Variants in SYNE1 observed in about 807,000 individuals in gnomAD.
The protein encoded by SYNE1 is spectrin repeat containing nuclear envelope protein 1, also known as nesprin-1.
SYNE1 carries 616 observed loss-of-function variants against 1,111.0 expected under a neutral mutation model. The observed-to-expected ratio is 0.55, with a 90% CI of 0.52 to 0.59. The LOEUF (loss-of-function observed/expected upper bound fraction) is 0.59. Among genes scored for constraint, SYNE1 ranks in the 20% least tolerant of loss-of-function variants. The pLI is 0.00. For synonymous variants in SYNE1, 3,855 were observed against 3,825.8 expected (o/e 1.01, Z -0.28); for missense variants, 10,006 against 10,417.0 (o/e 0.96, Z 1.72).
At chr6:152,416,281 A>G in intron 41 of SYNE1, 106 bp downstream of exon 41, 1 of 1,511,102 alleles carries the variant, frequency 6.6e-7, no homozygotes, top group Non-Finnish European at 9.1e-7. Flanking sequence ...TGGGGTCCTG[A>G]GTTTTTATTT....
chr6:152,405,436 G>A (rs1182952219), intron 45 of SYNE1, among the ~76,000 whole-genome samples: 1 of 152,106 alleles, frequency 6.6e-6, no homozygotes, highest in Non-Finnish European at 1.5e-5. Flanking sequence ...GCAGTACATT[G>A]TTCTAAATTA....
chr6:152,623,959 A>G (rs2099680951), intron 3 of SYNE1, among the ~76,000 whole-genome samples: 1 of 152,140 alleles, frequency 6.6e-6, no homozygotes, highest in African/African-American at 2.4e-5. Context: ...TAATGAACTT[A>G]TAAGAAATAT....
At chr6:152,439,747 C>G (rs1163488260) in intron 32 of SYNE1, among the ~76,000 whole-genome samples, 1 of 152,090 alleles carries the variant, frequency 6.6e-6, no homozygotes, top group Non-Finnish European at 1.5e-5. Flanking sequence ...AGGGTGGGCA[C>G]AAGGCTCTTC....
At chr6:152,286,353 C>T (rs1327446597) in intron 95 of SYNE1, among the ~76,000 whole-genome samples, 3 of 152,082 alleles carry the variant, frequency 2.0e-5, no homozygotes, top group African/African-American at 7.2e-5. Flanking sequence ...GACTTTGGCC[C>T]TTATTTGAGC....
chr6:152,351,661 G>A (rs1249797869), intron 70 of SYNE1, among the ~76,000 whole-genome samples: 2 of 152,170 alleles, frequency 1.3e-5, no homozygotes, highest in Non-Finnish European at 2.9e-5. Context: ...GGTACCAGAA[G>A]ATGAAGGGAA....
At chr6:152,513,908 C>T (rs1259949882) in intron 6 of SYNE1, among the ~76,000 whole-genome samples, 1 of 151,950 alleles carries the variant, frequency 6.6e-6, no homozygotes, top group Non-Finnish European at 1.5e-5. Context: ...TAGAGAAATG[C>T]AAATAAAAAC....
Position 152,417,021 on chromosome 6 carries a change from A to G in SYNE1, c.5422-6T>C. 12 of 1,613,826 alleles carry G rather than the reference A, an allele frequency of 7.4e-6. No homozygotes were observed. Among genetic ancestry groups the G allele is most frequent in the Non-Finnish European group, 1.0e-5 (12 of 1,180,026 alleles). On this transcript the variant is annotated splice_polypyrimidine_tract_variant and splice_region_variant and intron_variant, in intron 40 of 145. Coordinates refer to ENST00000367255, the MANE Select transcript of SYNE1 (RefSeq NM_182961.4). ...TCTACTTCTGCTGCGTGGTCCTGGA[A>G]GGGAAGAGAGAGTTATTGATTCCTG...
At chr6:152,469,355 C>T (rs1000735033) in intron 16 of SYNE1, among the ~76,000 whole-genome samples, 2 of 151,638 alleles carry the variant, frequency 1.3e-5, no homozygotes, top group Non-Finnish European at 2.9e-5. Flanking sequence ...CATTATTAAA[C>T]ACTGGGGAAA....
Position 152,232,221 on chromosome 6 carries a change from G to T in SYNE1, c.20757C>A (p.Val6919=), listed in dbSNP as rs1490654093. 6.2e-7 allele frequency: 1 copy of T among 1,613,958 alleles called. No homozygotes were observed. The highest frequency in any genetic ancestry group is 8.5e-7 in the Non-Finnish European group (1 of 1,179,936). The change falls in exon 113 of 146, where the codon GTC becomes GTA. Residue 6919 remains valine, a synonymous_variant. Coordinates refer to ENST00000367255, the MANE Select transcript of SYNE1 (RefSeq NM_182961.4). ...TTTCCATTAGAGAAATCCAACTCAT[G>T]ACTTCAGAAATGGCATGGCGGGAAG... ...KLPSRHAISE[V]MSWISLMENV... is the part of the protein sequence containing the mutation.
intron 95 of SYNE1, among the ~76,000 whole-genome samples, chr6:152,291,633 C>T (rs1435896124): frequency 1.3e-5 from 2 of 152,140 alleles, no homozygotes; most frequent in East Asian, 3.8e-4. Flanking sequence ...CATGTACGAA[C>T]TCTGGAAGGG....
intron 39 of SYNE1, among the ~76,000 whole-genome samples, chr6:152,421,684 T>C (rs990058450): frequency 2.2e-5 from 3 of 138,292 alleles, no homozygotes; most frequent in Admixed American, 2.1e-4. Context: ...TATTTATTTA[T>C]TTATTTATTT....
chr6:152,343,247 C>T (rs1371362093), intron 74 of SYNE1, among the ~76,000 whole-genome samples: 1 of 150,792 alleles, frequency 6.6e-6, no homozygotes, highest in Non-Finnish European at 1.5e-5. Flanking sequence ...CCGCCTCCAC[C>T]TCCCAGGTTC....
chr6:152,515,861 T>C (rs1176026284), intron 6 of SYNE1, among the ~76,000 whole-genome samples: 2 of 152,146 alleles, frequency 1.3e-5, no homozygotes, highest in Admixed American at 6.5e-5. Context: ...CTTACATAAG[T>C]TTTTTCAATA....
intron 11 of SYNE1, among the ~76,000 whole-genome samples, chr6:152,493,762 C>T (rs554696085): frequency 1.0e-3 from 152 of 152,298 alleles, no homozygotes; most frequent in African/African-American, 3.4e-3. Flanking sequence ...CGGCTAATCT[C>T]CCAAACCCCA....
chr6:152,569,810 C>A (rs1298156697), intron 3 of SYNE1, among the ~76,000 whole-genome samples: 1 of 152,124 alleles, frequency 6.6e-6, no homozygotes, highest in Non-Finnish European at 1.5e-5. Context: ...GGTATATAAA[C>A]CACCTCTCTT....
In SYNE1 at chr6:152,347,220, T is replaced by C; in HGVS notation, c.11917A>G (p.Ile3973Val). 6.2e-7 allele frequency: 1 copy of C among 1,614,212 alleles called. No individual in the cohort carries two copies. The highest frequency in any genetic ancestry group is 2.2e-5 in the East Asian group (1 of 44,884). Residue 3973 changes from isoleucine to valine, a missense_variant, in exon 73 of 146, where the codon ATT becomes GTT. Around this residue, in one of 7 missense-constraint regions of SYNE1, gnomAD observed 4,955 missense variants for 5,017.2 expected, o/e 0.99. Transcript: ENST00000367255. Reference protein sequence around the residue: ...LAHHKAMMEEIAGFEDRLNNL... With the variant: ...LAHHKAMMEEVAGFEDRLNNL... ...TTCAAACGGTCTTCAAAACCAGCAA[T>C]TTCTTCCATCATTGCCTGCAAAAGT... is the stretch of plus-strand genomic sequence containing the variant.
chr6:152,319,023 A>G lies in SYNE1; in HGVS notation c.16237-8T>C. On this transcript the variant is annotated splice_region_variant and splice_polypyrimidine_tract_variant and intron_variant, in intron 84 of 145. Transcript: ENST00000367255. ...TTTTATTTTGTCTTGGATCTAAAAA[A>G]ATCAGTAAGAACAGCAAAACAAGCC... 6.2e-7 allele frequency: 1 copy of G among 1,614,044 alleles called. No individual in the cohort carries two copies. Among genetic ancestry groups the G allele is most frequent in the East Asian group, 2.2e-5 (1 of 44,880 alleles).
In SYNE1 at chr6:152,211,488, TCCTA is replaced by T. The variant is rs2077512170; in HGVS notation, c.22589+2_22589+5del. 6.2e-7 allele frequency: 1 copy of T among 1,610,640 alleles called. No homozygotes were observed. Among genetic ancestry groups the T allele is most frequent in the Non-Finnish European group, 8.5e-7 (1 of 1,177,186 alleles). ...TTTCTTTGTAATAATTTATCAAAGA[TCCTA>T]CCTGTCATCAACTTGACCTTGTTCT... On this transcript the variant is annotated splice_donor_variant and splice_donor_5th_base_variant and intron_variant, in intron 124 of 145. Transcript: ENST00000367255. LOFTEE classifies it high-confidence loss of function.
At chr6:152,312,857 T>C (rs566394212) in intron 87 of SYNE1, among the ~76,000 whole-genome samples, 37 of 152,242 alleles carry the variant, frequency 2.4e-4, no homozygotes, top group African/African-American at 8.9e-4. Context: ...CACCCGACCT[T>C]AGCGTTACCG....
Sources: gnomAD v4.1 joint callset for allele counts (sites outside exome capture counted in the v4.1 genomes callset) on GRCh38, gnomAD v4.1.1 for gene constraint, gnomAD v4.1.1 regional missense constraint, MANE v1.5 for transcripts, NCBI Gene and HGNC (gene_info 2026-07-23, HGNC 2026-07-21) for gene names.